Variants in STPG2 observed in about 807,000 individuals in gnomAD.
STPG2 encodes sperm-tail PG-rich repeat-containing protein 2.
STPG2 carries 56 observed loss-of-function variants against 54.2 expected under a neutral mutation model. The observed-to-expected ratio is 1.03, with a 90% CI of 0.83 to 1.29. The LOEUF (loss-of-function observed/expected upper bound fraction) is 1.29, where lower values mean the gene tolerates loss of function less well. Ranked by LOEUF, STPG2 falls within the 50% of genes most tolerant of loss-of-function variation. The pLI is 0.00. For synonymous variants in STPG2, 200 were observed against 181.8 expected (o/e 1.10, Z -0.81); for missense variants, 596 against 544.9 (o/e 1.09, Z -0.93).
At chr4:97,619,857 T>C (rs1733967031) in intron 10 of STPG2, among the ~76,000 whole-genome samples, 1 of 149,508 alleles carries the variant, frequency 6.7e-6, no homozygotes, top group East Asian at 2.0e-4. Flanking sequence ...AGAGTCTCGC[T>C]CTCTCTCTCA....
At chr4:97,441,350 AACAGGAAAC>A (rs1729074492) in intron 4 of STPG2, 1 of 151,988 alleles carries the variant, frequency 6.6e-6, no homozygotes, top group Admixed American at 6.6e-5. Flanking sequence ...CTGCTTTTGT[AACAGGAAAC>A]ATTTTCTGAA....
chr4:97,567,108 A>C (rs1732472916), intron 10 of STPG2, among the ~76,000 whole-genome samples: 1 of 151,836 alleles, frequency 6.6e-6, no homozygotes, highest in Non-Finnish European at 1.5e-5. Context: ...ATCCTTACAT[A>C]GTTTATCAGG....
chr4:97,880,559 C>T (rs1289206817), intron 8 of STPG2, among the ~76,000 whole-genome samples: 2 of 151,428 alleles, frequency 1.3e-5, no homozygotes, highest in Admixed American at 6.6e-5. Context: ...TAGGGAAGTC[C>T]GCAAATTAGA....
intron 10 of STPG2, among the ~76,000 whole-genome samples, chr4:97,675,671 A>C (rs917184979): frequency 6.6e-6 from 1 of 150,824 alleles, no homozygotes; most frequent in Non-Finnish European, 1.5e-5. Context: ...GTGTGGGTGC[A>C]TTTGTGTGTG....
Position 97,904,355 on chromosome 4 carries a change from G to A in STPG2, c.1044+39542C>T, listed in dbSNP as rs1006473173. On this transcript the variant is annotated intron_variant, in intron 8 of 10. Coordinates refer to ENST00000295268, the MANE Select transcript of STPG2 (RefSeq NM_174952.3). ...GCAGGGGCAGACTGACACCTCACAC[G>A]GCTGGCCAGGTACTCCAACAGACCT... is the stretch of plus-strand genomic sequence containing the variant. Among the ~76,000 whole-genome samples the A allele has an allele frequency of 1.2e-4, 18 of 152,316 alleles. 1 individual carries two copies. The highest frequency in any genetic ancestry group is 3.3e-4 in the Admixed American group (5 of 15,302).
intron 10 of STPG2, among the ~76,000 whole-genome samples, chr4:97,585,179 C>T (rs996134120): frequency 6.7e-6 from 1 of 148,458 alleles, no homozygotes; most frequent in Non-Finnish European, 1.5e-5. Context: ...CCACCATGAT[C>T]CAGTAGATTT....
intron 4 of STPG2, among the ~76,000 whole-genome samples, chr4:97,512,169 G>T (rs1482518146): frequency 6.6e-6 from 1 of 152,070 alleles, no homozygotes; most frequent in East Asian, 1.9e-4. Context: ...ACCACAGGTA[G>T]TGAGCCCATA....
intron 4 of STPG2, among the ~76,000 whole-genome samples, chr4:97,539,027 G>A (rs1387518038): frequency 6.6e-6 from 1 of 152,116 alleles, no homozygotes. Context: ...TGTCCTACAA[G>A]AGCTCCTGAA....
chr4:97,732,172 G>A lies in STPG2; in HGVS notation c.1205-19358C>T, dbSNP rs6854180. Reference sequence around the variant, plus strand: ...GGACAGGCACCTATGGTCGCATTTTGCCGCAGCTGCCCCATTCACAAAATC... The same window carrying A: ...GGACAGGCACCTATGGTCGCATTTTACCGCAGCTGCCCCATTCACAAAATC... On this transcript the variant is annotated intron_variant, in intron 9 of 10. Coordinates refer to ENST00000295268, the MANE Select transcript of STPG2 (RefSeq NM_174952.3). 1.3e-3 allele frequency among the ~76,000 whole-genome samples: 199 copies of A among 152,286 alleles called. 1 individual carries two copies. The highest frequency in any genetic ancestry group is 4.6e-3 in the African/African-American group (192 of 41,582).
rs57189492 is a variant in STPG2 at position 97,943,120 on chromosome 4, T to A, written c.1044+777A>T. Among the ~76,000 whole-genome samples the A allele has an allele frequency of 3.3e-5, 5 of 152,216 alleles. No homozygotes were observed. In the South Asian group the frequency reaches 8.3e-4, roughly 25 times the overall value. Reference sequence around the variant, plus strand: ...AGACAGTATCTTCTCTGAGTCCTCATGGTAAAAGGGGCAAACGAGCCTGCC... The same window carrying A: ...AGACAGTATCTTCTCTGAGTCCTCAAGGTAAAAGGGGCAAACGAGCCTGCC... On this transcript the variant is annotated intron_variant, in intron 8 of 10. Transcript: ENST00000295268.
rs183819672 is a variant in STPG2, at chr4:98,111,898, C to T, written c.388-2593G>A. Among the ~76,000 whole-genome samples, 641 of 152,152 alleles carry T rather than the reference C, an allele frequency of 4.2e-3. 3 individuals carry two copies. Among genetic ancestry groups the T allele is most frequent in the South Asian group, 0.025 (119 of 4,816 alleles). ...TCTCCTACCTTCGGACATCAGAACT[C>T]CAGGTTTTCTAGCCTTTGGATTCTT... On this transcript the variant is annotated intron_variant, in intron 3 of 10. Coordinates refer to ENST00000295268, the MANE Select transcript of STPG2 (RefSeq NM_174952.3).
intron 5 of STPG2, among the ~76,000 whole-genome samples, chr4:98,016,087 T>C (rs1221375354): frequency 6.6e-6 from 1 of 152,012 alleles, no homozygotes; most frequent in Non-Finnish European, 1.5e-5. Flanking sequence ...GGGATAGCAT[T>C]AGGAGAAATA....
intron 9 of STPG2, among the ~76,000 whole-genome samples, chr4:97,778,747 A>G (rs540637795): frequency 6.6e-6 from 1 of 152,290 alleles, no homozygotes; most frequent in East Asian, 1.9e-4. Context: ...CAGAGGAACA[A>G]TCGGGCAGCA....
At chr4:97,611,653 C>A (rs1270736252) in intron 10 of STPG2, among the ~76,000 whole-genome samples, 3 of 151,664 alleles carry the variant, frequency 2.0e-5, no homozygotes, top group Admixed American at 2.0e-4. Context: ...AAGAACTGAG[C>A]ATTTAAAAAT....
At chr4:97,879,878 A>C (rs1254598582) in intron 8 of STPG2, among the ~76,000 whole-genome samples, 1 of 152,222 alleles carries the variant, frequency 6.6e-6, no homozygotes, top group Non-Finnish European at 1.5e-5. Context: ...CCATTATGAA[A>C]AAATAATGTT....
intron 8 of STPG2, among the ~76,000 whole-genome samples, chr4:97,895,540 C>T (rs1730924760): frequency 6.6e-6 from 1 of 151,670 alleles, no homozygotes; most frequent in Non-Finnish European, 1.5e-5. Context: ...TTGCATGATT[C>T]CCTTTTTTTT....
intron 9 of STPG2, among the ~76,000 whole-genome samples, chr4:97,763,090 A>C (rs1276408129): frequency 1.3e-5 from 2 of 152,194 alleles, no homozygotes; most frequent in African/African-American, 4.8e-5. Context: ...ATACTCTACT[A>C]TAATTCTCAG....
chr4:98,017,736 T>A (rs1015699013), intron 5 of STPG2, among the ~76,000 whole-genome samples: 4 of 152,204 alleles, frequency 2.6e-5, no homozygotes, highest in Middle Eastern at 3.2e-3. Context: ...CAAATTGTAA[T>A]TCTCACATGT....
intron 4 of STPG2, among the ~76,000 whole-genome samples, chr4:97,543,339 C>T (rs59082719): frequency 3.3e-5 from 5 of 151,626 alleles, no homozygotes; most frequent in Admixed American, 6.6e-5. Flanking sequence ...TTTAGAAATA[C>T]GCTTATGAAA....
Sources: gnomAD v4.1 joint callset for allele counts (sites outside exome capture counted in the v4.1 genomes callset) on GRCh38, gnomAD v4.1.1 for gene constraint, MANE v1.5 for transcripts, NCBI Gene and HGNC (gene_info 2026-07-23, HGNC 2026-07-21) for gene names.